The following ATRN variants were observed in gnomAD, a reference collection of about 807,000 sequenced individuals.
The protein encoded by ATRN is attractin-2.
Under a neutral mutation model 178.7 loss-of-function variants are expected in ATRN, and 54 were observed. The ratio of observed to expected loss-of-function variants is 0.30; its 90% CI spans 0.24 to 0.38. The LOEUF is 0.38. Among genes scored for constraint, ATRN ranks in the 10% least tolerant of loss-of-function variants. ATRN has a pLI of 1.00. For synonymous variants in ATRN, 636 were observed against 663.0 expected (o/e 0.96, Z 0.63); for missense variants, 1,443 against 1,815.1 (o/e 0.79, Z 3.73).
At chr20:3,635,808 TTTA>T (rs2087021188) in intron 26 of ATRN, among the ~76,000 whole-genome samples, 1 of 152,202 alleles carries the variant, frequency 6.6e-6, no homozygotes, top group Non-Finnish European at 1.5e-5. Context: ...TTGCACACTC[TTTA>T]TTATTATTTT....
At chr20:3,643,394 G>A (rs990233601) in intron 27 of ATRN, among the ~76,000 whole-genome samples, 18 of 152,054 alleles carry the variant, frequency 1.2e-4, no homozygotes, top group African/African-American at 3.6e-4. Flanking sequence ...AGCTGGGTGC[G>A]GTAGGTCACA....
At chr20:3,596,186 A>C (rs2086525600) in intron 20 of ATRN, among the ~76,000 whole-genome samples, 191 bp from the exon 21 acceptor site, 1 of 152,194 alleles carries the variant, frequency 6.6e-6, no homozygotes, top group Non-Finnish European at 1.5e-5. Context: ...TGGTGTGTGA[A>C]CTGCTGAGCA....
intron 1 of ATRN, among the ~76,000 whole-genome samples, chr20:3,482,444 A>T (rs1347942101): frequency 6.6e-6 from 1 of 152,234 alleles, no homozygotes; most frequent in Non-Finnish European, 1.5e-5. Context: ...ATTCTGAATG[A>T]TAAAATGATA....
intron 22 of ATRN, among the ~76,000 whole-genome samples, chr20:3,600,070 AT>A (rs1305439880): frequency 2.0e-5 from 3 of 152,354 alleles, no homozygotes; most frequent in African/African-American, 7.2e-5. Context: ...AAAGATAAAA[AT>A]ATAACATTGA....
At chr20:3,548,274 T>C (rs889726303) in intron 5 of ATRN, among the ~76,000 whole-genome samples, 4 of 152,118 alleles carry the variant, frequency 2.6e-5, no homozygotes, top group African/African-American at 9.7e-5. Context: ...CAAACAACCA[T>C]GTGTAGAAAA....
intron 24 of ATRN, chr20:3,615,761 GC>G: frequency 2.2e-6 from 1 of 453,652 alleles, no homozygotes; most frequent in South Asian, 1.6e-5. Context: ...TTACCATGTT[GC>G]CCCCATCATT....
At position 3,547,596 on chromosome 20, in the gene ATRN, A is replaced by T. The variant is rs774017880; in HGVS notation, c.943+107A>T. On this transcript the variant is annotated intron_variant, in intron 5 of 28. Transcript: ENST00000262919. ...AGCACCTATATAATTTATATTAATC[A>T]AATACGAGGTAGCATTTAAGCTTGA... 173 of 944,324 alleles carry T rather than the reference A, an allele frequency of 1.8e-4. 1 individual carries two copies. Among genetic ancestry groups the T allele is most frequent in the Non-Finnish European group, 2.5e-4 (160 of 644,040 alleles). 58.5% of individuals were successfully genotyped at this position (944,324 alleles called of 1,614,324 possible).
intron 6 of ATRN, among the ~76,000 whole-genome samples, chr20:3,552,676 G>A (rs1408399939): frequency 6.6e-6 from 1 of 152,234 alleles, no homozygotes; most frequent in East Asian, 1.9e-4. Flanking sequence ...AGAGGCCTGA[G>A]TGAGGAAGAA....
In ATRN at chr20:3,563,198, A is replaced by T; in HGVS notation, c.1632-11A>T. ...AACCTTGTATTTATTATTTCTAAAT[A>T]AACTCAAAAGGACCATTCTTAAGGA... On this transcript the variant is annotated splice_polypyrimidine_tract_variant and intron_variant, in intron 9 of 28. Coordinates refer to ENST00000262919, the MANE Select transcript of ATRN (RefSeq NM_139321.3). The T allele has an allele frequency of 6.3e-7, 1 of 1,597,536 alleles. No individual in the cohort carries two copies. Among genetic ancestry groups the T allele is most frequent in the Non-Finnish European group, 8.5e-7 (1 of 1,169,836 alleles).
chr20:3,528,772 T>G (rs151535), intron 1 of ATRN, among the ~76,000 whole-genome samples: 33,287 of 151,998 alleles, frequency 0.22, 4,086 homozygotes, highest in African/African-American at 0.29. Flanking sequence ...AAATAATATG[T>G]GCAGATGATC....
intron 6 of ATRN, among the ~76,000 whole-genome samples, chr20:3,559,099 C>T (rs949650288): frequency 6.6e-6 from 1 of 152,074 alleles, no homozygotes; most frequent in African/African-American, 2.4e-5. Flanking sequence ...GAGTACAATG[C>T]AACCTTTAAA....
At chr20:3,544,496 T>TGTGGTGGTGGTG (rs891845516) in intron 3 of ATRN, among the ~76,000 whole-genome samples, 1 of 151,540 alleles carries the variant, frequency 6.6e-6, no homozygotes, top group African/African-American at 2.4e-5. Flanking sequence ...TTTTACCAAA[T>TGTGGTGGTGGTG]GTGGTGGTGG....
chr20:3,537,504 ATTTTT>A (rs1282134385), intron 2 of ATRN, among the ~76,000 whole-genome samples: 1 of 139,160 alleles, frequency 7.2e-6, no homozygotes, highest in Non-Finnish European at 1.6e-5. Flanking sequence ...TTTTTTTTAC[ATTTTT>A]TTATTTTATT....
intron 1 of ATRN, among the ~76,000 whole-genome samples, chr20:3,528,106 C>T (rs2085397317): frequency 6.6e-6 from 1 of 151,896 alleles, no homozygotes; most frequent in Admixed American, 6.6e-5. Flanking sequence ...CGTGGTGGCT[C>T]ACACCTGTAA....
At chr20:3,485,169 T>C (rs2084673338) in intron 1 of ATRN, among the ~76,000 whole-genome samples, 1 of 152,094 alleles carries the variant, frequency 6.6e-6, no homozygotes, top group Non-Finnish European at 1.5e-5. Context: ...TATTTCCTCG[T>C]ATTTTGAATT....
rs1487330472 is a variant in ATRN, at chr20:3,490,753, C to G, written c.410+19236C>G. 5.1e-6 allele frequency: 4 copies of G among 790,192 alleles called. 1 individual carries two copies. The highest frequency in any genetic ancestry group is 4.0e-5 in the South Asian group (3 of 74,834). 48.9% of individuals were successfully genotyped at this position (790,192 alleles called of 1,614,324 possible). A position where few individuals can be genotyped will look rare whatever the true frequency, so the allele number is the denominator to read the frequency against. On this transcript the variant is annotated intron_variant, in intron 1 of 28. Transcript: ENST00000262919. ...TTCTGGTGGAATTCCTTTATTTACT[C>G]GAGTCTATTATAGAATTCAGCAAAC...
At chr20:3,624,481 A>C (rs1252457967) in intron 24 of ATRN, 30 bp from the exon 25 acceptor site, 5 of 1,584,664 alleles carry the variant, frequency 3.2e-6, no homozygotes, top group Non-Finnish European at 3.5e-6. Flanking sequence ...CATGACCTGC[A>C]TAATCACACT....
chr20:3,560,820 G>A lies in ATRN; in HGVS notation c.1362G>A (p.Leu454=). The change falls in exon 8 of 29, where the codon CTG becomes CTA. Residue 454 remains leucine (L), a synonymous_variant. Transcript: ENST00000262919. The stretch of plus-strand genomic sequence containing the variant: ...GGCACTCTGCACACATTGTTACACT[G>A]AAGAATGGCCGAGTGGTCATGCTGG... ...VVGHSAHIVT[L]KNGRVVMLVI... 2 of 1,614,172 alleles carry A rather than the reference G, an allele frequency of 1.2e-6. No homozygotes were observed. Among genetic ancestry groups the A allele is most frequent in the Non-Finnish European group, 1.7e-6 (2 of 1,180,026 alleles).
rs780281720 is a variant in ATRN at position 3,562,312 on chromosome 20, C to T, written c.1484C>T (p.Ala495Val). The T allele has an allele frequency of 7.4e-6, 12 of 1,613,910 alleles. No individual in the cohort carries two copies. In the African/African-American group the frequency reaches 1.6e-4, roughly 22 times the overall value. ...NTWSILHTQGALVQGGYGHSS... is the reference protein window; with the variant it reads ...NTWSILHTQGVLVQGGYGHSS... ...TGGAGTATATTACACACCCAGGGTG[C>T]CCTTGTGCAAGGGGGTTACGGCCAT... The change falls in exon 9 of 29, where the codon GCC becomes GTC. Residue 495 changes from alanine to valine, a missense_variant. Coordinates refer to ENST00000262919, the MANE Select transcript of ATRN (RefSeq NM_139321.3).
Sources: allele counts gnomAD v4.1 joint callset (sites outside exome capture counted in the v4.1 genomes callset), GRCh38; gene constraint gnomAD v4.1.1; transcripts MANE v1.5; gene names NCBI Gene and HGNC (gene_info 2026-07-23, HGNC 2026-07-21).